ETV6: variants seen among roughly 807,000 people sequenced by gnomAD.
ETV6 encodes ETS variant transcription factor 6.
A neutral mutation model predicts 51.1 loss-of-function variants in ETV6; 16 were observed. That is an observed-to-expected ratio of 0.31 (90% CI 0.21 to 0.48). The LOEUF is 0.48. ETV6 is among the 20% of genes least tolerant of loss of function. The pLI is 0.99. For missense variants in ETV6, 458 were observed against 594.8 expected (o/e 0.77, Z 2.39); for synonymous variants, 240 against 224.1 (o/e 1.07, Z -0.64).
chr12:11,681,433 G>A (rs1464410814), intron 1 of ETV6, among the ~76,000 whole-genome samples: 1 of 152,134 alleles, frequency 6.6e-6, no homozygotes, highest in Non-Finnish European at 1.5e-5. Context: ...AAATCAGGAA[G>A]TAAGACTGAA....
rs773246974 is a variant in ETV6 at position 11,894,251 on chromosome 12, A to C, written c.*3205A>C. The C allele has an allele frequency of 8.6e-6, 2 of 232,550 alleles. No individual in the cohort carries two copies. The highest frequency in any genetic ancestry group is 1.7e-5 in the Non-Finnish European group (2 of 117,652). 14.4% of individuals were successfully genotyped at this position (232,550 alleles called of 1,614,324 possible). A position where few individuals can be genotyped will look rare whatever the true frequency, so the allele number is the denominator to read the frequency against. On this transcript the variant is annotated 3_prime_UTR_variant, in exon 8 of 8. Coordinates refer to ENST00000396373, the MANE Select transcript of ETV6 (RefSeq NM_001987.5). ...GTTGTCAGGAGACAAATCTGAAGTC[A>C]GGAGAGGAAAATGCAAAGGAGCCCT... is the stretch of plus-strand genomic sequence containing the variant.
Position 11,706,768 on chromosome 12 carries a change from T to C in ETV6, c.34-45682T>C, listed in dbSNP as rs185683249. Among the ~76,000 whole-genome samples the C allele has an allele frequency of 1.8e-4, 27 of 152,366 alleles. No homozygotes were observed. In the East Asian group the frequency reaches 4.8e-3, roughly 27 times the overall value. ...TCTAGGACGATTGCATTCCTAGCCA[T>C]ATCTGTTTTCTTTCAGATGGGGCGT... On this transcript the variant is annotated intron_variant, in intron 1 of 7. Transcript: ENST00000396373.
At chr12:11,745,113 G>A (rs1437700067) in intron 1 of ETV6, among the ~76,000 whole-genome samples, 1 of 152,140 alleles carries the variant, frequency 6.6e-6, no homozygotes, top group African/African-American at 2.4e-5. Flanking sequence ...GGAGGCATAG[G>A]GGAGTAATTG....
chr12:11,668,301 G>A (rs1405145680), intron 1 of ETV6, among the ~76,000 whole-genome samples: 1 of 137,716 alleles, frequency 7.3e-6, no homozygotes, highest in Non-Finnish European at 1.6e-5. Flanking sequence ...TAGATGTGTG[G>A]GAGGGACACC....
intron 2 of ETV6, among the ~76,000 whole-genome samples, chr12:11,795,755 T>C (rs1223202582): frequency 6.6e-6 from 1 of 152,250 alleles, no homozygotes; most frequent in African/African-American, 2.4e-5. Context: ...GTTCCGGCTC[T>C]GCTACTTCCT....
intron 2 of ETV6, among the ~76,000 whole-genome samples, chr12:11,797,961 G>C (rs529271249): frequency 6.6e-6 from 1 of 152,242 alleles, no homozygotes; most frequent in African/African-American, 2.4e-5. Flanking sequence ...GGGTTTATTT[G>C]GGAATGTGAT....
chr12:11,738,615 A>G (rs771376934), intron 1 of ETV6, among the ~76,000 whole-genome samples: 2 of 151,948 alleles, frequency 1.3e-5, no homozygotes, highest in Non-Finnish European at 2.9e-5. Flanking sequence ...GCCCTGTGCC[A>G]CTTTTCCACA....
chr12:11,656,047 C>T (rs1437125537), intron 1 of ETV6, among the ~76,000 whole-genome samples: 1 of 152,222 alleles, frequency 6.6e-6, no homozygotes, highest in Non-Finnish European at 1.5e-5. Flanking sequence ...TCTTCCTCCT[C>T]CTCTTCTTCT....
intron 4 of ETV6, among the ~76,000 whole-genome samples, chr12:11,857,274 C>T (rs149421363): frequency 1.3e-5 from 2 of 152,206 alleles, no homozygotes; most frequent in African/African-American, 2.4e-5. Context: ...ATCATGCCTT[C>T]GTTAGTAGCC....
intron 1 of ETV6, among the ~76,000 whole-genome samples, chr12:11,751,628 C>G (rs538328209): frequency 6.6e-6 from 1 of 152,344 alleles, no homozygotes; most frequent in African/African-American, 2.4e-5. Flanking sequence ...ATCTAACAAA[C>G]ACTGCTTGTT....
intron 1 of ETV6, among the ~76,000 whole-genome samples, chr12:11,694,955 G>A (rs995060532): frequency 3.3e-5 from 5 of 152,078 alleles, no homozygotes; most frequent in Admixed American, 6.6e-5. Context: ...ATTTGGAACC[G>A]GTCATGTAAA....
At position 11,777,321 on chromosome 12, in the gene ETV6, T is replaced by C. The variant is rs534041368; in HGVS notation, c.163+24742T>C. On this transcript the variant is annotated intron_variant, in intron 2 of 7. Transcript: ENST00000396373. ...AAAAGGCAGGGTACAAATCTCTCTCTTCAGAGTCATCTCAATTGTTTTTAA... is the reference window on the plus strand; with the variant it reads ...AAAAGGCAGGGTACAAATCTCTCTCCTCAGAGTCATCTCAATTGTTTTTAA... Among the ~76,000 whole-genome samples the C allele has an allele frequency of 3.0e-4, 45 of 152,084 alleles. No individual in the cohort carries two copies. In the South Asian group the frequency reaches 9.2e-3, roughly 31 times the overall value.
chr12:11,703,064 G>A (rs1865012679), intron 1 of ETV6, among the ~76,000 whole-genome samples: 1 of 152,208 alleles, frequency 6.6e-6, no homozygotes, highest in African/African-American at 2.4e-5. Flanking sequence ...TCAAGATCGT[G>A]CCACTGCACC....
intron 5 of ETV6, among the ~76,000 whole-genome samples, chr12:11,880,978 G>C (rs570348452): frequency 6.6e-6 from 1 of 151,882 alleles, no homozygotes; most frequent in African/African-American, 2.4e-5. Flanking sequence ...TCACTCTATC[G>C]CCCAGGCTGA....
At chr12:11,845,579 T>A (rs1157899950) in intron 3 of ETV6, among the ~76,000 whole-genome samples, 1 of 152,224 alleles carries the variant, frequency 6.6e-6, no homozygotes, top group African/African-American at 2.4e-5. Flanking sequence ...TAAACCAAAT[T>A]TCAAATATTT....
At chr12:11,844,079 T>C (rs1256545791) in intron 3 of ETV6, among the ~76,000 whole-genome samples, 1 of 151,906 alleles carries the variant, frequency 6.6e-6, no homozygotes. Context: ...ATTTGAGTAC[T>C]TGACTACTTT....
Position 11,650,033 on chromosome 12 carries a change from C to A in ETV6, c.-95C>A. On this transcript the variant is annotated 5_prime_UTR_variant, in exon 1 of 8. Coordinates refer to ENST00000396373, the MANE Select transcript of ETV6 (RefSeq NM_001987.5). The stretch of plus-strand genomic sequence containing the variant: ...ATGCTGGAAGAAACTTCTTAAATGA[C>A]CGCGTCTGGCTGGCCGTGGAGCCTT... The A allele has an allele frequency of 3.5e-6, 4 of 1,134,064 alleles. No homozygotes were observed. The highest frequency in any genetic ancestry group is 1.3e-5 in the South Asian group (1 of 79,834). 70.3% of individuals were successfully genotyped at this position (1,134,064 alleles called of 1,614,324 possible).
At chr12:11,701,714 T>G (rs953803091) in intron 1 of ETV6, among the ~76,000 whole-genome samples, 7 of 152,162 alleles carry the variant, frequency 4.6e-5, no homozygotes, top group Non-Finnish European at 1.0e-4. Context: ...TACACGGTCT[T>G]GTAGAAGAGA....
chr12:11,819,733 C>A (rs1156872142), intron 2 of ETV6, among the ~76,000 whole-genome samples: 2 of 152,230 alleles, frequency 1.3e-5, no homozygotes, highest in South Asian at 2.1e-4. Context: ...CCCATGGTAT[C>A]TTCAGCCCAT....
Sources: gnomAD v4.1 joint callset for allele counts (sites outside exome capture counted in the v4.1 genomes callset) on GRCh38, gnomAD v4.1.1 for gene constraint, MANE v1.5 for transcripts, NCBI Gene and HGNC (gene_info 2026-07-23, HGNC 2026-07-21) for gene names.